The following CCT6B variants were observed in gnomAD, a reference collection of about 807,000 sequenced individuals.
CCT6B encodes chaperonin containing TCP1 subunit 6B.
In CCT6B, 49 loss-of-function variants were observed where a neutral mutation model predicts 61.5. The observed-to-expected ratio is 0.80, with a 90% CI of 0.63 to 1.01. CCT6B has a LOEUF of 1.01. Ranked by LOEUF, CCT6B falls within the 50% of genes least tolerant of loss-of-function variation. The pLI is 0.00. For missense variants in CCT6B, 666 were observed against 634.7 expected, an observed-to-expected ratio of 1.05 and a Z score of -0.53; for synonymous variants, 228 against 214.5, an observed-to-expected ratio of 1.06 and a Z score of -0.55.
intron 13 of CCT6B, among the ~76,000 whole-genome samples, chr17:34,928,731 T>G (rs2089997548): frequency 6.6e-6 from 1 of 152,170 alleles, no homozygotes; most frequent in African/African-American, 2.4e-5. Context: ...TCTTTCCCCC[T>G]CAAATAGTAA....
At chr17:34,944,905 G>A (rs1297885660) in intron 5 of CCT6B, among the ~76,000 whole-genome samples, 2 of 152,214 alleles carry the variant, frequency 1.3e-5, no homozygotes, top group Non-Finnish European at 2.9e-5. Flanking sequence ...CAGCCTGGGC[G>A]ACAGAGCGAG....
At chr17:34,959,554 TA>T in intron 2 of CCT6B, 32 bp downstream of exon 2, 1 of 1,527,496 alleles carries the variant, frequency 6.5e-7, no homozygotes, top group East Asian at 2.3e-5. Context: ...TAAGGCTTAT[TA>T]AGGTTTATTA....
Position 34,961,411 on chromosome 17 carries a change from G to T in CCT6B, c.-18C>A, listed in dbSNP as rs745604122. The T allele has an allele frequency of 6.4e-7, 1 of 1,574,710 alleles. No homozygotes were observed. Among genetic ancestry groups the T allele is most frequent in the Middle Eastern group, 1.7e-4 (1 of 5,834 alleles). On this transcript the variant is annotated 5_prime_UTR_variant, in exon 1 of 14. Coordinates refer to ENST00000314144, the MANE Select transcript of CCT6B (RefSeq NM_006584.4). ...GCAGCCATAGCCTAACCGTTCAGAG[G>T]GAGAAAAAAAAAAAGCCTTAGTCGC...
At chr17:34,949,520 G>T (rs1170781955) in intron 5 of CCT6B, 2 of 149,530 alleles carry the variant, frequency 1.3e-5, no homozygotes, top group East Asian at 3.9e-4. Context: ...AGGGAGGGAG[G>T]GAGGGAAAGG....
At chr17:34,944,722 C>G (rs1281054560) in intron 5 of CCT6B, among the ~76,000 whole-genome samples, 1 of 152,184 alleles carries the variant, frequency 6.6e-6, no homozygotes, top group East Asian at 1.9e-4. Context: ...GTCAGGAGAT[C>G]GAGACCATCC....
chr17:34,941,387 G>A (rs1567666848), intron 7 of CCT6B, among the ~76,000 whole-genome samples: 1 of 152,112 alleles, frequency 6.6e-6, no homozygotes, highest in Non-Finnish European at 1.5e-5. Context: ...GTCATGTTAT[G>A]CATGTGGAAA....
rs1216874587 is a variant in CCT6B, at chr17:34,939,244, G to T, written c.1152C>A (p.Leu384=). Residue 384 remains leucine (L), a synonymous_variant, in exon 10 of 14, where the codon CTC becomes CTA. Coordinates refer to ENST00000314144, the MANE Select transcript of CCT6B (RefSeq NM_006584.4). ...LLVKGPNKHT[L]TQVKDAIRDG... ...CTCTTATGGCATCCTTGACTTGTGT[G>T]AGAGTATGCTTATTTGGTCCTTTAA... 1 of 1,613,594 alleles carries T rather than the reference G, an allele frequency of 6.2e-7. No homozygotes were observed. Among genetic ancestry groups the T allele is most frequent in the African/African-American group, 1.3e-5 (1 of 74,904 alleles).
At chr17:34,933,500 T>C (rs566888512) in intron 10 of CCT6B, among the ~76,000 whole-genome samples, 2 of 152,172 alleles carry the variant, frequency 1.3e-5, no homozygotes, top group Admixed American at 1.3e-4. Context: ...GCTCAAAGAG[T>C]TGTTTACCCA....
At chr17:34,939,047 G>T in intron 10 of CCT6B, 136 bp downstream of exon 10, 1 of 660,956 alleles carries the variant, frequency 1.5e-6, no homozygotes, top group Non-Finnish European at 2.4e-6. Context: ...TCGCACCACT[G>T]CACTAAAGCC....
chr17:34,946,626 TTAA>T (rs1328962087), intron 5 of CCT6B, among the ~76,000 whole-genome samples: 2 of 152,170 alleles, frequency 1.3e-5, no homozygotes, highest in Non-Finnish European at 2.9e-5. Flanking sequence ...AGCAGCACTA[TTAA>T]TAATGGGCAA....
intron 4 of CCT6B, among the ~76,000 whole-genome samples, chr17:34,954,121 G>T (rs1362856665): frequency 6.6e-6 from 1 of 152,046 alleles, no homozygotes; most frequent in East Asian, 1.9e-4. Context: ...AATATGGACT[G>T]CTAGATTTAA....
intron 1 of CCT6B, 39 bp from the exon 2 acceptor site, chr17:34,959,689 A>T (rs2090390177): frequency 6.9e-7 from 1 of 1,442,174 alleles, no homozygotes; most frequent in Non-Finnish European, 9.8e-7. Flanking sequence ...ATGTGGTAGG[A>T]AGACATTCCC....
At chr17:34,936,492 T>C (rs2090095313) in intron 10 of CCT6B, among the ~76,000 whole-genome samples, 1 of 152,180 alleles carries the variant, frequency 6.6e-6, no homozygotes, top group African/African-American at 2.4e-5. Flanking sequence ...GAGCAAAAAG[T>C]ATAACTGTAT....
At chr17:34,937,251 G>A (rs2090104874) in intron 10 of CCT6B, among the ~76,000 whole-genome samples, 1 of 152,008 alleles carries the variant, frequency 6.6e-6, no homozygotes, top group Non-Finnish European at 1.5e-5. Context: ...ATATGGAAAT[G>A]CCAAAGACTT....
intron 5 of CCT6B, among the ~76,000 whole-genome samples, chr17:34,950,913 A>G (rs1350307437): frequency 6.6e-6 from 1 of 151,120 alleles, no homozygotes; most frequent in Non-Finnish European, 1.5e-5. Flanking sequence ...TGGGGGACAG[A>G]GTGAGACTCC....
chr17:34,928,117 G>C lies in CCT6B; in HGVS notation c.1524C>G (p.Cys508Trp). ...YCVKKQLLHS[C>W]TVIATNILLV... is the part of the protein sequence containing the mutation. ...GGAGAATGTTGGTGGCAATCACTGT[G>C]CTAAGGAAAAAGATGAGAGGGTGAG... Residue 508 changes from cysteine (C) to tryptophan (W), a missense_variant and splice_region_variant, in exon 14 of 14, where the codon TGC becomes TGG. Transcript: ENST00000314144. The C allele has an allele frequency of 6.2e-7, 1 of 1,608,316 alleles. No individual in the cohort carries two copies. The highest frequency in any genetic ancestry group is 8.5e-7 in the Non-Finnish European group (1 of 1,176,742).
At position 34,939,209 on chromosome 17, in the gene CCT6B, CGAA is replaced by C; in HGVS notation, c.1184_1186del (p.Leu395del). ...ATCTTCAATGGCATTTTTGATAGCA[CGAA>C]GTCCATCTCTTATGGCATCCTTGAC... On this transcript the variant is annotated inframe_deletion, in exon 10 of 14. Coordinates refer to ENST00000314144, the MANE Select transcript of CCT6B (RefSeq NM_006584.4). The C allele has an allele frequency of 6.2e-7, 1 of 1,613,618 alleles. No homozygotes were observed. Among genetic ancestry groups the C allele is most frequent in the Non-Finnish European group, 8.5e-7 (1 of 1,179,832 alleles).
chr17:34,934,111 A>G (rs1280106561), intron 10 of CCT6B, among the ~76,000 whole-genome samples: 1 of 150,354 alleles, frequency 6.7e-6, no homozygotes, highest in Non-Finnish European at 1.5e-5. Flanking sequence ...CCTAGGTGAC[A>G]GATCGAGACT....
chr17:34,930,985 C>T lies in CCT6B; in HGVS notation c.1414G>A (p.Glu472Lys), dbSNP rs577930141. ...TLVKVQAEHV[E>K]SKQLVGVDLN... is the part of the protein sequence containing the mutation. ...TCTACGCCCACAAGTTGTTTTGACTCGACATGCTCAGCCTGAACTTTTACT... is the reference window on the plus strand; with the variant it reads ...TCTACGCCCACAAGTTGTTTTGACTTGACATGCTCAGCCTGAACTTTTACT... Residue 472 changes from glutamate to lysine, a missense_variant, in exon 12 of 14, where the codon GAG becomes AAG. Glu to Lys is a moderately conservative substitution (Grantham distance 56). Coordinates refer to ENST00000314144, the MANE Select transcript of CCT6B (RefSeq NM_006584.4). 4.4e-6 allele frequency: 7 copies of T among 1,605,666 alleles called. No individual in the cohort carries two copies. Among genetic ancestry groups the T allele is most frequent in the Admixed American group, 1.7e-5 (1 of 59,926 alleles).
Sources: allele counts gnomAD v4.1 joint callset (sites outside exome capture counted in the v4.1 genomes callset), GRCh38; gene constraint gnomAD v4.1.1; transcripts MANE v1.5; gene names NCBI Gene and HGNC (gene_info 2026-07-23, HGNC 2026-07-21).